The following UCMA variants were observed in gnomAD, a reference collection of about 807,000 sequenced individuals.
UCMA encodes upper zone of growth plate and cartilage matrix associated.
In UCMA, 21 loss-of-function variants were observed where a neutral mutation model predicts 21.8. The observed-to-expected ratio is 0.97, with a 90% confidence interval of 0.68 to 1.39. UCMA has a LOEUF of 1.39. UCMA is among the 40% of genes most tolerant of loss of function. The probability of loss-of-function intolerance (pLI) is 0.00; values close to 1 mark genes in which losing one functional copy is unlikely to be tolerated. For synonymous variants in UCMA, 76 were observed against 67.9 expected (o/e 1.12, Z -0.58); for missense variants, 193 against 178.9 (o/e 1.08, Z -0.45).
At chr10:13,225,552 G>A (rs544431342) in intron 4 of UCMA, among the ~76,000 whole-genome samples, 1 of 151,654 alleles carries the variant, frequency 6.6e-6, no homozygotes, top group South Asian at 2.1e-4. Context: ...GTGGGTGCCT[G>A]TAATCCCAGC....
chr10:13,225,799 G>A (rs990652141), intron 4 of UCMA, among the ~76,000 whole-genome samples: 6 of 151,804 alleles, frequency 4.0e-5, no homozygotes, highest in African/African-American at 7.3e-5. Flanking sequence ...CTTGAGCACC[G>A]CCCCAGGGAT....
chr10:13,228,111 G>A (rs1160979356), intron 4 of UCMA, among the ~76,000 whole-genome samples: 3 of 151,856 alleles, frequency 2.0e-5, no homozygotes, highest in Non-Finnish European at 4.4e-5. Context: ...CCAGGCTGGA[G>A]TGCGGTGGTG....
In UCMA at chr10:13,222,102, A is replaced by G. The variant is rs1288666760; in HGVS notation, c.*1T>C. On this transcript the variant is annotated 3_prime_UTR_variant, in exon 5 of 5. Transcript: ENST00000378681. ...TCTTCTTGGCCGGCTTCAGGATGGG[A>G]TCAGGTGTGGTGGCGGTTGTAGAGA... 1 of 1,613,944 alleles carries G rather than the reference A, an allele frequency of 6.2e-7. No homozygotes were observed. The highest frequency in any genetic ancestry group is 1.3e-5 in the African/African-American group (1 of 74,898).
chr10:13,222,852 G>A (rs1226146772), intron 4 of UCMA, among the ~76,000 whole-genome samples: 2 of 151,600 alleles, frequency 1.3e-5, no homozygotes, highest in African/African-American at 4.8e-5. Flanking sequence ...ATTTTTTTAT[G>A]GAGGTGGAAT....
intron 1 of UCMA, 148 bp from the exon 2 acceptor site, chr10:13,233,948 T>C: frequency 9.6e-7 from 1 of 1,037,032 alleles, no homozygotes; most frequent in Non-Finnish European, 1.4e-6. Context: ...GCAGAGCCAA[T>C]CTCCCCAGGA....
At chr10:13,222,744 G>A (rs1834774691) in intron 4 of UCMA, among the ~76,000 whole-genome samples, 1 of 151,836 alleles carries the variant, frequency 6.6e-6, no homozygotes, top group South Asian at 2.1e-4. Flanking sequence ...AGGCTGGAGT[G>A]CAGTGGCGTG....
At chr10:13,233,438 G>A (rs1236194794) in intron 3 of UCMA, 100 bp downstream of exon 3, 2 of 956,488 alleles carry the variant, frequency 2.1e-6, no homozygotes, top group Non-Finnish European at 1.6e-6. Flanking sequence ...TTCGTGCCCA[G>A]CTGCATCCTG....
At chr10:13,227,305 ACTCT>A (rs1487241105) in intron 4 of UCMA, among the ~76,000 whole-genome samples, 11 of 151,962 alleles carry the variant, frequency 7.2e-5, no homozygotes, top group Admixed American at 3.3e-4. Context: ...GAAAGAGCTG[ACTCT>A]CTCCCACAAA....
chr10:13,229,510 AAAG>A (rs1007858175), intron 4 of UCMA, 98 bp downstream of exon 4: 142 of 1,135,046 alleles, frequency 1.3e-4, no homozygotes, highest in Non-Finnish European at 1.7e-4. Flanking sequence ...CGTCTCAAAA[AAAG>A]AAAAAAAAAA....
chr10:13,234,179 A>C (rs942418), intron 1 of UCMA, 22 bp downstream of exon 1: 1 of 1,606,434 alleles, frequency 6.2e-7, no homozygotes, highest in Non-Finnish European at 8.5e-7. Flanking sequence ...AACACCCTCC[A>C]CCTTGACCCT....
Position 13,233,531 on chromosome 10 carries a change from T to A in UCMA, c.220+7A>T. On this transcript the variant is annotated splice_region_variant and intron_variant, in intron 3 of 4. Coordinates refer to ENST00000378681, the MANE Select transcript of UCMA (RefSeq NM_145314.3). ...GACGCGGGATGGGGTCCCTCCAGCA[T>A]CCTTACCATTGACCTCATCTCTGGA... 1 of 1,613,168 alleles carries A rather than the reference T, an allele frequency of 6.2e-7. No homozygotes were observed. The highest frequency in any genetic ancestry group is 8.5e-7 in the Non-Finnish European group (1 of 1,179,494).
At chr10:13,230,798 T>G (rs973507915) in intron 3 of UCMA, among the ~76,000 whole-genome samples, 3 of 152,248 alleles carry the variant, frequency 2.0e-5, no homozygotes, top group African/African-American at 7.2e-5. Flanking sequence ...GGCTCACGCC[T>G]GTAATCCCAG....
chr10:13,234,167 C>A, intron 1 of UCMA, 34 bp downstream of exon 1: 3 of 1,590,056 alleles, frequency 1.9e-6, no homozygotes, highest in Non-Finnish European at 2.6e-6. Context: ...TACCATGTAA[C>A]TAACACCCTC....
intron 3 of UCMA, among the ~76,000 whole-genome samples, chr10:13,230,605 A>G (rs927860911): frequency 1.3e-5 from 2 of 152,134 alleles, no homozygotes; most frequent in Admixed American, 1.3e-4. Context: ...AGACGGAGGT[A>G]CTGTTTTTTT....
intron 4 of UCMA, 80 bp from the exon 5 acceptor site, chr10:13,222,280 C>A (rs2281797): frequency 0.28 from 367,714 of 1,336,252 alleles, 55,542 homozygotes; most frequent in East Asian, 0.59. Context: ...TCAGCCGAAC[C>A]CCTGCCCTGT....
intron 3 of UCMA, among the ~76,000 whole-genome samples, chr10:13,232,068 GA>G (rs1444920148): frequency 6.6e-6 from 1 of 152,136 alleles, no homozygotes; most frequent in Non-Finnish European, 1.5e-5. Context: ...TCATTGTTTG[GA>G]GTCAGCTTAA....
intron 3 of UCMA, among the ~76,000 whole-genome samples, chr10:13,230,256 T>C (rs530642740): frequency 4.6e-5 from 7 of 152,164 alleles, no homozygotes; most frequent in Non-Finnish European, 8.8e-5. Context: ...TGCAGTAAGT[T>C]ATGATTGTAC....
At chr10:13,230,699 C>A (rs529197952) in intron 3 of UCMA, among the ~76,000 whole-genome samples, 2 of 152,164 alleles carry the variant, frequency 1.3e-5, no homozygotes, top group African/African-American at 4.8e-5. Flanking sequence ...GTTCCCTACC[C>A]CCAACCCACA....
chr10:13,222,072 C>T lies in UCMA; in HGVS notation c.*31G>A. 6.2e-7 allele frequency: 1 copy of T among 1,611,670 alleles called. No individual in the cohort carries two copies. The highest frequency in any genetic ancestry group is 2.2e-5 in the East Asian group (1 of 44,868). On this transcript the variant is annotated 3_prime_UTR_variant, in exon 5 of 5. Coordinates refer to ENST00000378681, the MANE Select transcript of UCMA (RefSeq NM_145314.3). Reference sequence around the variant, plus strand: ...ACGGGGATGCCAATGGTGCTACAAGCTTTGTCTTCTTGGCCGGCTTCAGGA... The same window carrying T: ...ACGGGGATGCCAATGGTGCTACAAGTTTTGTCTTCTTGGCCGGCTTCAGGA...
Sources: gnomAD v4.1 joint callset for allele counts (sites outside exome capture counted in the v4.1 genomes callset) on GRCh38, gnomAD v4.1.1 for gene constraint, MANE v1.5 for transcripts, NCBI Gene and HGNC (gene_info 2026-07-23, HGNC 2026-07-21) for gene names.